The following CELF2 variants were observed in gnomAD, a reference collection of about 807,000 sequenced individuals.
CELF2 encodes the protein CUG triplet repeat RNA-binding protein 2.
Under a neutral mutation model 62.6 loss-of-function variants are expected in CELF2, and 8 were observed. That is an observed-to-expected ratio of 0.13 (90% CI 0.07 to 0.23). The LOEUF is 0.23. CELF2 is among the 10% of genes least tolerant of loss of function. The pLI, the probability that CELF2 is intolerant of heterozygous loss-of-function variation, is 1.00. For missense variants in CELF2, 333 were observed against 671.0 expected (o/e 0.50, Z 5.56); for synonymous variants, 258 against 250.0 (o/e 1.03, Z -0.30).
chr10:10,644,443 T>C, the CELF2 span, among the ~76,000 whole-genome samples: 3 of 151,756 alleles, frequency 2.0e-5, no homozygotes, highest in Non-Finnish European at 4.4e-5. Flanking sequence ...ACTTCAGAGC[T>C]TCTTCCTGGA....
chr10:11,234,818 G>T (rs749323330), intron 3 of CELF2, among the ~76,000 whole-genome samples: 1 of 151,902 alleles, frequency 6.6e-6, no homozygotes, highest in African/African-American at 2.4e-5. Flanking sequence ...GACAACAAAC[G>T]CAGTAGAGAC....
At chr10:11,148,843 AACACACACAC>A (rs58567770) in intron 1 of CELF2, among the ~76,000 whole-genome samples, 23 of 146,914 alleles carry the variant, frequency 1.6e-4, no homozygotes, top group South Asian at 6.5e-4. Context: ...TCTTAAACCA[AACACACACAC>A]ACACACACAC....
chr10:10,996,605 G>A (rs1676562029), intron 2 of CELF2, among the ~76,000 whole-genome samples: 1 of 152,118 alleles, frequency 6.6e-6, no homozygotes, highest in Non-Finnish European at 1.5e-5. Context: ...CTCATCGATG[G>A]CAAGGTAACT....
chr10:10,866,711 C>G (rs2060395778), intron 1 of CELF2, among the ~76,000 whole-genome samples: 1 of 150,562 alleles, frequency 6.6e-6, no homozygotes. Context: ...AATTCCAACA[C>G]TTTGGGAGGC....
intron 9 of CELF2, among the ~76,000 whole-genome samples, chr10:11,308,109 C>T (rs1472277592): frequency 6.6e-6 from 1 of 152,248 alleles, no homozygotes; most frequent in Non-Finnish European, 1.5e-5. Context: ...ACTAACTTCT[C>T]ATCCATTGTT....
At chr10:10,759,763 G>A in the CELF2 span, among the ~76,000 whole-genome samples, 1 of 152,128 alleles carries the variant, frequency 6.6e-6, no homozygotes, top group African/African-American at 2.4e-5. Context: ...CTCCCTGCCA[G>A]AAGATAAGGG....
In CELF2 at chr10:10,928,751, C is replaced by G. The variant is rs1366461741; in HGVS notation, c.89+8752C>G. 6.6e-6 allele frequency among the ~76,000 whole-genome samples: 1 copy of G among 152,146 alleles called. No individual in the cohort carries two copies. The highest frequency in any genetic ancestry group is 2.4e-5 in the African/African-American group (1 of 41,426). ...CAAAGACCCCAGTTTTAACCCCTAT[C>G]CTAGCATCTGTGTCATCCAATAATA... On this transcript the variant is annotated intron_variant, in intron 2 of 13. Coordinates refer to the CELF2 transcript ENST00000636488. The surrounding 1 kb of genome is among the most constrained non-coding windows in gnomAD (Gnocchi z 4.8).
At chr10:10,678,563 T>C in the CELF2 span, among the ~76,000 whole-genome samples, 5 of 152,268 alleles carry the variant, frequency 3.3e-5, no homozygotes, top group East Asian at 9.6e-4. Flanking sequence ...GTCAATGTGT[T>C]AGTGCACGAC....
chr10:10,743,592 C>T, the CELF2 span, among the ~76,000 whole-genome samples: 6 of 152,302 alleles, frequency 3.9e-5, no homozygotes, highest in East Asian at 1.2e-3. Flanking sequence ...TACAATGTTC[C>T]ATTTTGTCTA....
At chr10:10,709,378 C>A in the CELF2 span, among the ~76,000 whole-genome samples, 2 of 152,212 alleles carry the variant, frequency 1.3e-5, no homozygotes, top group Non-Finnish European at 2.9e-5. Context: ...TCTTAGCATT[C>A]TTGTATTTCA....
chr10:10,617,754 A>G, the CELF2 span, among the ~76,000 whole-genome samples: 1 of 152,140 alleles, frequency 6.6e-6, no homozygotes, highest in Non-Finnish European at 1.5e-5. Flanking sequence ...AGTACAGGAA[A>G]GGGAAGCCAG....
At chr10:10,620,687 G>A in the CELF2 span, among the ~76,000 whole-genome samples, 144 of 151,842 alleles carry the variant, frequency 9.5e-4, 1 homozygote, top group African/African-American at 3.2e-3. Context: ...CGGATCACGA[G>A]GTCAGGAGAT....
At position 11,315,897 on chromosome 10, in the gene CELF2, T is replaced by C. The variant is rs888426389; in HGVS notation, c.1096+1639T>C. ...CTCTTGCCCCAGGACCTAGTTCCCC[T>C]AAAACAAGGACTTTGATTTGACCGC... On this transcript the variant is annotated intron_variant, in intron 10 of 12. Coordinates refer to ENST00000633077, the MANE Select transcript of CELF2 (RefSeq NM_001326342.2). The surrounding 1 kb of genome is among the most constrained non-coding windows in gnomAD (Gnocchi z 5.8). Among the ~76,000 whole-genome samples, 1 of 152,236 alleles carries C rather than the reference T, an allele frequency of 6.6e-6. No homozygotes were observed. Among genetic ancestry groups the C allele is most frequent in the African/African-American group, 2.4e-5 (1 of 41,460 alleles).
At chr10:10,608,389 C>T in the CELF2 span, among the ~76,000 whole-genome samples, 1 of 152,126 alleles carries the variant, frequency 6.6e-6, no homozygotes, top group African/African-American at 2.4e-5. Flanking sequence ...TAGGACTGTC[C>T]ATTCCTTTAG....
chr10:10,548,096 G>T, the CELF2 span, among the ~76,000 whole-genome samples: 1 of 152,248 alleles, frequency 6.6e-6, no homozygotes, highest in Non-Finnish European at 1.5e-5. Flanking sequence ...TCAGCCAGGG[G>T]CCATTGGTTT....
chr10:10,715,617 T>C, the CELF2 span, among the ~76,000 whole-genome samples: 1 of 152,304 alleles, frequency 6.6e-6, no homozygotes, highest in East Asian at 1.9e-4. Flanking sequence ...TTCTATGAAA[T>C]AAAACATTCC....
At chr10:11,275,636 C>A (rs2085770186) in intron 8 of CELF2, among the ~76,000 whole-genome samples, 1 of 152,138 alleles carries the variant, frequency 6.6e-6, no homozygotes, top group South Asian at 2.1e-4. Context: ...CCGTAGTGCC[C>A]CAGTTGACAG....
intron 1 of CELF2, among the ~76,000 whole-genome samples, chr10:11,129,540 T>C (rs1322195558): frequency 1.3e-5 from 2 of 152,158 alleles, no homozygotes; most frequent in Non-Finnish European, 2.9e-5. Context: ...CTATTATTAT[T>C]GCCTCCATTT....
chr10:10,940,617 G>A (rs947066686), intron 2 of CELF2, among the ~76,000 whole-genome samples: 1 of 152,154 alleles, frequency 6.6e-6, no homozygotes, highest in African/African-American at 2.4e-5. Flanking sequence ...TATCTTAAAT[G>A]CATGGCACTA....
Sources: allele counts gnomAD v4.1 joint callset (sites outside exome capture counted in the v4.1 genomes callset), GRCh38; gene constraint gnomAD v4.1.1; non-coding constraint Gnocchi (gnomAD v3.1); transcripts MANE v1.5; gene names NCBI Gene and HGNC (gene_info 2026-07-23, HGNC 2026-07-21).